NMBR: variants seen among roughly 807,000 people sequenced by gnomAD.
The protein encoded by NMBR is neuromedin-B receptor.
Under a neutral mutation model 20.5 loss-of-function variants are expected in NMBR, and 16 were observed. The ratio of observed to expected loss-of-function variants is 0.78; its 90% confidence interval spans 0.53 to 1.19. NMBR has a LOEUF of 1.19. NMBR is among the 50% of genes most tolerant of loss of function. NMBR has a pLI of 0.00. For synonymous variants in NMBR, 212 were observed against 196.6 expected (o/e 1.08, Z -0.65); for missense variants, 582 against 499.1 (o/e 1.17, Z -1.58).
chr6:142,091,961 C>G (rs566556271), intron 1 of NMBR, among the ~76,000 whole-genome samples: 4 of 151,986 alleles, frequency 2.6e-5, no homozygotes, highest in Non-Finnish European at 5.9e-5. Flanking sequence ...TTTTGTAATC[C>G]TCATCTGCTT....
intron 2 of NMBR, among the ~76,000 whole-genome samples, chr6:142,085,575 C>T (rs576858221): frequency 6.6e-6 from 1 of 152,252 alleles, no homozygotes; most frequent in East Asian, 1.9e-4. Context: ...TCTGACCACC[C>T]TTTGGCCATA....
intron 1 of NMBR, among the ~76,000 whole-genome samples, chr6:142,097,624 T>C (rs1029801785): frequency 6.6e-6 from 1 of 152,100 alleles, no homozygotes; most frequent in Non-Finnish European, 1.5e-5. Flanking sequence ...GTTTAAACTA[T>C]GTAGAACGCA....
intron 1 of NMBR, among the ~76,000 whole-genome samples, chr6:142,120,578 T>C (rs138842881): frequency 7.2e-5 from 11 of 151,958 alleles, no homozygotes; most frequent in Non-Finnish European, 1.3e-4. Context: ...TTAAAAACAT[T>C]TGAAATACAA....
chr6:142,096,393 C>T (rs1473245824), intron 1 of NMBR, among the ~76,000 whole-genome samples: 1 of 152,168 alleles, frequency 6.6e-6, no homozygotes, highest in Non-Finnish European at 1.5e-5. Flanking sequence ...TTTATTTCTG[C>T]CTTCATTTCG....
chr6:142,092,550 C>T (rs897962291), intron 1 of NMBR, among the ~76,000 whole-genome samples: 1 of 152,104 alleles, frequency 6.6e-6, no homozygotes, highest in South Asian at 2.1e-4. Context: ...ACACTGAAAA[C>T]ATAAAAACCA....
At position 142,075,891 on chromosome 6, in the gene NMBR, C is replaced by T. The variant is rs760530221; in HGVS notation, c.930G>A (p.Arg310=). The stretch of plus-strand genomic sequence containing the variant: ...CACAAGAATTGCCAAAACTGAGAAC[C>T]CGGGCAACTAAGGTGACAATCATGT... The part of the protein sequence containing the change: ...LGHMIVTLVA[R]VLSFGNSCVN... Residue 310 remains arginine (R), a synonymous_variant, in exon 4 of 4, where the codon CGG becomes CGA. Coordinates refer to ENST00000258042, the MANE Select transcript of NMBR (RefSeq NM_002511.4). The T allele has an allele frequency of 3.2e-5, 51 of 1,613,824 alleles. No individual in the cohort carries two copies. The highest frequency in any genetic ancestry group is 3.7e-5 in the Non-Finnish European group (44 of 1,179,970).
At position 142,076,022 on chromosome 6, in the gene NMBR, T is replaced by C; in HGVS notation, c.799A>G (p.Ile267Val). The change falls in exon 4 of 4, where the codon ATT becomes GTT. Residue 267 changes from isoleucine (I) to valine (V), a missense_variant. Physicochemically the swap from Ile to Val is conservative, Grantham distance 29. Transcript: ENST00000258042. ...AAACAGCCCACAAAGACAAGCACAA[T>C]TTTAGCCAGGCGTTTCCGTGTTTCC... Reference protein sequence around the residue: ...QMETRKRLAKIVLVFVGCFIF... With the variant: ...QMETRKRLAKVVLVFVGCFIF... 1 of 1,594,006 alleles carries C rather than the reference T, an allele frequency of 6.3e-7. No individual in the cohort carries two copies. The highest frequency in any genetic ancestry group is 8.5e-7 in the Non-Finnish European group (1 of 1,171,632).
intron 2 of NMBR, among the ~76,000 whole-genome samples, chr6:142,081,755 G>A (rs1777102020): frequency 1.3e-5 from 2 of 152,142 alleles, no homozygotes; most frequent in Admixed American, 1.3e-4. Context: ...AGACATGTGG[G>A]GAAAAGTATC....
intron 1 of NMBR, among the ~76,000 whole-genome samples, chr6:142,112,176 A>G (rs996432017): frequency 1.3e-5 from 2 of 152,200 alleles, no homozygotes; most frequent in African/African-American, 4.8e-5. Context: ...TAAAGTTGGA[A>G]CACTTGGCCT....
intron 1 of NMBR, among the ~76,000 whole-genome samples, chr6:142,101,483 G>C (rs1362618639): frequency 6.6e-6 from 1 of 152,056 alleles, no homozygotes; most frequent in Non-Finnish European, 1.5e-5. Context: ...GTTTTTTAAG[G>C]TTAGAACAAG....
At chr6:142,079,017 G>C (rs1382079710) in intron 2 of NMBR, 114 bp from the exon 3 acceptor site, 2 of 523,488 alleles carry the variant, frequency 3.8e-6, no homozygotes, top group Non-Finnish European at 6.1e-6. Context: ...AGGAAGAAAG[G>C]GAGAGAGAGA....
At chr6:142,094,084 A>G (rs1474470490) in intron 1 of NMBR, among the ~76,000 whole-genome samples, 4 of 152,046 alleles carry the variant, frequency 2.6e-5, no homozygotes, top group East Asian at 1.9e-4. Context: ...CAAAAATTTT[A>G]TCCCATTCTG....
intron 1 of NMBR, among the ~76,000 whole-genome samples, chr6:142,122,721 C>G (rs1464193868): frequency 6.6e-6 from 1 of 151,886 alleles, no homozygotes; most frequent in African/African-American, 2.4e-5. Context: ...TATGCTAAAT[C>G]TACTCTGCCT....
Position 142,116,368 on chromosome 6 carries a change from AG to A in NMBR, c.-663-27048del, listed in dbSNP as rs140371026. Reference sequence around the variant, plus strand: ...AGTATATAGAATGTTTGGCTCTAAGAGGGTATGTAGAGTTATTAACATCTTG... The same window carrying A: ...AGTATATAGAATGTTTGGCTCTAAGAGGTATGTAGAGTTATTAACATCTTG... On this transcript the variant is annotated intron_variant, in intron 1 of 3. Coordinates refer to ENST00000258042, the MANE Select transcript of NMBR (RefSeq NM_002511.4). 9.2e-3 allele frequency among the ~76,000 whole-genome samples: 1,403 copies of A among 152,022 alleles called. 31 individuals carry two copies. Among genetic ancestry groups the A allele is most frequent in the African/African-American group, 0.032 (1,329 of 41,474 alleles).
intron 1 of NMBR, among the ~76,000 whole-genome samples, chr6:142,094,473 T>G (rs147942425): frequency 3.0e-4 from 46 of 152,322 alleles, no homozygotes; most frequent in Admixed American, 8.5e-4. Flanking sequence ...ACATGTGGCA[T>G]TATTTCTGAA....
chr6:142,088,340 C>T lies in NMBR; in HGVS notation c.319G>A (p.Asp107Asn), dbSNP rs745694294. ...CCCACCTTGCCAAACATCCACTCGT[C>T]GAAGAAGTAGCGCGAGGCGTCCACC... is the stretch of plus-strand genomic sequence containing the variant. ...VPVDASRYFF[D>N]EWMFGKVGCK... is the part of the protein sequence containing the mutation. The change falls in exon 2 of 4, where the codon GAC becomes AAC. Residue 107 changes from aspartate to asparagine, a missense_variant. Coordinates refer to ENST00000258042, the MANE Select transcript of NMBR (RefSeq NM_002511.4). The T allele has an allele frequency of 3.1e-6, 5 of 1,614,006 alleles. No homozygotes were observed. Among genetic ancestry groups the T allele is most frequent in the Non-Finnish European group, 4.2e-6 (5 of 1,180,032 alleles).
chr6:142,108,892 G>A (rs1266906386), intron 1 of NMBR, among the ~76,000 whole-genome samples: 1 of 152,122 alleles, frequency 6.6e-6, no homozygotes, highest in Admixed American at 6.5e-5. Flanking sequence ...TTTCTCCTAT[G>A]AACCTGTAAA....
At chr6:142,084,510 T>C (rs973322083) in intron 2 of NMBR, among the ~76,000 whole-genome samples, 1 of 152,182 alleles carries the variant, frequency 6.6e-6, no homozygotes, top group Non-Finnish European at 1.5e-5. Flanking sequence ...TATAGTTTTA[T>C]TTTTTAAATT....
intron 1 of NMBR, among the ~76,000 whole-genome samples, chr6:142,125,588 T>C (rs1349049033): frequency 6.6e-6 from 1 of 151,800 alleles, no homozygotes; most frequent in Non-Finnish European, 1.5e-5. Context: ...TTCTAACACC[T>C]TGCACAGTAG....
Sources: gnomAD v4.1 joint callset for allele counts (sites outside exome capture counted in the v4.1 genomes callset) on GRCh38, gnomAD v4.1.1 for gene constraint, MANE v1.5 for transcripts, NCBI Gene and HGNC (gene_info 2026-07-23, HGNC 2026-07-21) for gene names.